Variants in ENTREP2 observed in about 807,000 individuals in gnomAD.
The protein encoded by ENTREP2 is protein ENTREP2.
chr15:29,458,741 C>T, the ENTREP2 span, among the ~76,000 whole-genome samples: 1 of 152,256 alleles, frequency 6.6e-6, no homozygotes, highest in South Asian at 2.1e-4. Context: ...CTGAGGATAA[C>T]ACATGCTTGA....
chr15:29,590,461 T>G, the ENTREP2 span, among the ~76,000 whole-genome samples: 1 of 151,946 alleles, frequency 6.6e-6, no homozygotes, highest in South Asian at 2.1e-4. Flanking sequence ...GGTGGGCAGA[T>G]CACCTGAGGT....
chr15:29,628,761 T>C, the ENTREP2 span, among the ~76,000 whole-genome samples: 6 of 152,176 alleles, frequency 3.9e-5, no homozygotes, highest in African/African-American at 1.4e-4. Context: ...TCTTTATTTA[T>C]TTATTTAAGA....
At chr15:29,269,854 T>C in the ENTREP2 span, 2 of 771,176 alleles carry the variant, frequency 2.6e-6, no homozygotes, top group East Asian at 3.4e-5. Context: ...GCGCCTTGCG[T>C]CAGGGCGGCT....
chr15:29,224,562 A>G, the ENTREP2 span, among the ~76,000 whole-genome samples: 6 of 152,258 alleles, frequency 3.9e-5, no homozygotes, highest in Middle Eastern at 6.8e-3. Context: ...CCTGAGCTAG[A>G]CACAAAAGTT....
chr15:29,174,692 C>CA, the ENTREP2 span, among the ~76,000 whole-genome samples: 1 of 107,486 alleles, frequency 9.3e-6, no homozygotes, highest in African/African-American at 5.1e-5. Flanking sequence ...TCCAACTAAA[C>CA]AAAACAAAAC....
At chr15:29,459,331 G>A in the ENTREP2 span, among the ~76,000 whole-genome samples, 6 of 152,152 alleles carry the variant, frequency 3.9e-5, no homozygotes, top group Admixed American at 6.6e-5. Flanking sequence ...CTATGAAATC[G>A]TTGGTGTGAC....
chr15:29,300,695 T>C, the ENTREP2 span, among the ~76,000 whole-genome samples: 1 of 152,004 alleles, frequency 6.6e-6, no homozygotes, highest in Non-Finnish European at 1.5e-5. Flanking sequence ...ACCTCCCGGG[T>C]TCACACCATT....
chr15:29,609,653 A>T, the ENTREP2 span: 6 of 150,162 alleles, frequency 4.0e-5, 1 homozygote, highest in East Asian at 1.2e-3. Flanking sequence ...TTACCCAATT[A>T]TTACTAATTA....
At chr15:29,510,355 T>C in the ENTREP2 span, among the ~76,000 whole-genome samples, 3,832 of 152,286 alleles carry the variant, frequency 0.025, 155 homozygotes, top group African/African-American at 0.088. Flanking sequence ...TGCTCAAGGA[T>C]CTAGAACTAG....
At chr15:29,460,205 T>C in the ENTREP2 span, among the ~76,000 whole-genome samples, 1 of 152,160 alleles carries the variant, frequency 6.6e-6, no homozygotes, top group Non-Finnish European at 1.5e-5. Flanking sequence ...TGAGCCACGA[T>C]CGCACCACTG....
At chr15:29,269,025 A>G in the ENTREP2 span, 42 of 1,614,120 alleles carry the variant, frequency 2.6e-5, no homozygotes, top group South Asian at 1.9e-4. Flanking sequence ...GCTGTCGCAC[A>G]AAGTCCTCAG....
chr15:29,430,920 C>T, the ENTREP2 span, among the ~76,000 whole-genome samples: 1 of 152,150 alleles, frequency 6.6e-6, no homozygotes, highest in Non-Finnish European at 1.5e-5. Flanking sequence ...GTCTTACTGA[C>T]ACGGCTCCGG....
the ENTREP2 span, among the ~76,000 whole-genome samples, chr15:29,247,241 T>C: frequency 6.6e-6 from 1 of 152,256 alleles, no homozygotes; most frequent in East Asian, 1.9e-4. Context: ...GCATACACTG[T>C]ATGTTCTGGA....
the ENTREP2 span, among the ~76,000 whole-genome samples, chr15:29,392,891 CTG>C: frequency 1.3e-5 from 2 of 152,198 alleles, no homozygotes; most frequent in Non-Finnish European, 2.9e-5. Flanking sequence ...CTTTCTTTAG[CTG>C]TGTCTTCCAG....
the ENTREP2 span, among the ~76,000 whole-genome samples, chr15:29,182,665 A>AGAGAGAGAAGG: frequency 2.0e-5 from 3 of 152,040 alleles, no homozygotes; most frequent in African/African-American, 7.3e-5. Context: ...AAAGAGAGAG[A>AGAGAGAGAAGG]GAGAGAGAAG....
the ENTREP2 span, among the ~76,000 whole-genome samples, chr15:29,670,639 C>A: frequency 1.3e-5 from 2 of 152,138 alleles, no homozygotes; most frequent in African/African-American, 4.8e-5. Context: ...CACCCGGGAA[C>A]TCTCTTTAAA....
the ENTREP2 span, chr15:29,268,849 A>G: frequency 6.2e-7 from 1 of 1,614,056 alleles, no homozygotes; most frequent in Non-Finnish European, 8.5e-7. Context: ...CTCATCTGCC[A>G]AAGCCTCACA....
chr15:29,521,524 C>T, the ENTREP2 span, among the ~76,000 whole-genome samples: 1 of 152,118 alleles, frequency 6.6e-6, no homozygotes, highest in Admixed American at 6.6e-5. Context: ...TAGTATAACG[C>T]CCAGGAGAGA....
the ENTREP2 span, among the ~76,000 whole-genome samples, chr15:29,516,807 C>T: frequency 2.0e-5 from 3 of 152,086 alleles, no homozygotes; most frequent in East Asian, 1.9e-4. Flanking sequence ...TATGGATCTC[C>T]AGGCAGGAAG....
Sources: gnomAD v4.1 joint callset for allele counts (sites outside exome capture counted in the v4.1 genomes callset) on GRCh38, gnomAD v4.1.1 for gene constraint, MANE v1.5 for transcripts, NCBI Gene and HGNC (gene_info 2026-07-23, HGNC 2026-07-21) for gene names.